Variants in CCDC102B observed in about 807,000 individuals in gnomAD.
CCDC102B encodes the protein coiled-coil domain-containing protein 102B.
CCDC102B carries 75 observed loss-of-function variants against 57.4 expected under a neutral mutation model. That is an observed-to-expected ratio of 1.31 (90% CI 1.08 to 1.58). The LOEUF (loss-of-function observed/expected upper bound fraction) is 1.58, where lower values mean the gene tolerates loss of function less well. Among genes scored for constraint, CCDC102B ranks in the 40% most tolerant of loss-of-function variants. The probability of loss-of-function intolerance (pLI) is 0.00; values close to 1 mark genes in which losing one functional copy is unlikely to be tolerated. For synonymous variants in CCDC102B, 206 were observed against 201.9 expected (o/e 1.02, Z -0.17); for missense variants, 636 against 582.6 (o/e 1.09, Z -0.94).
chr18:68,773,068 G>C (rs2034694353), intron 2 of CCDC102B, among the ~76,000 whole-genome samples: 1 of 151,856 alleles, frequency 6.6e-6, no homozygotes. Context: ...GTTAAGAAAG[G>C]ATTCAATCAA....
intron 7 of CCDC102B, among the ~76,000 whole-genome samples, chr18:69,011,792 C>G (rs1266725190): frequency 6.6e-6 from 1 of 151,894 alleles, no homozygotes; most frequent in East Asian, 1.9e-4. Flanking sequence ...TCCTGTTGGA[C>G]AACTATTCAG....
chr18:68,868,907 C>T (rs556148905), intron 4 of CCDC102B, among the ~76,000 whole-genome samples: 26 of 152,130 alleles, frequency 1.7e-4, no homozygotes, highest in African/African-American at 6.0e-4. Context: ...GTGTCCTGAG[C>T]TTGATGATGG....
intron 2 of CCDC102B, among the ~76,000 whole-genome samples, chr18:68,759,032 C>A (rs1378596885): frequency 1.4e-5 from 2 of 145,476 alleles, no homozygotes; most frequent in Admixed American, 6.8e-5. Flanking sequence ...AACAAACAAA[C>A]AAACAAAAAA....
At chr18:68,776,488 A>G (rs1164563401) in intron 2 of CCDC102B, among the ~76,000 whole-genome samples, 1 of 152,218 alleles carries the variant, frequency 6.6e-6, no homozygotes, top group East Asian at 1.9e-4. Flanking sequence ...GCAGCCACAA[A>G]AAAGAATGAG....
intron 7 of CCDC102B, among the ~76,000 whole-genome samples, chr18:69,024,506 C>G (rs1406091744): frequency 2.1e-4 from 32 of 151,968 alleles, no homozygotes; most frequent in Admixed American, 2.1e-3. Flanking sequence ...AAATATAAAC[C>G]ATACATAATT....
intron 7 of CCDC102B, among the ~76,000 whole-genome samples, chr18:69,047,281 G>A (rs1391069306): frequency 2.0e-5 from 3 of 152,032 alleles, no homozygotes; most frequent in African/African-American, 7.2e-5. Flanking sequence ...GACAGCTGAA[G>A]ACAAAAACCA....
At chr18:68,892,149 T>C (rs116207385) in intron 5 of CCDC102B, among the ~76,000 whole-genome samples, 3,319 of 152,274 alleles carry the variant, frequency 0.022, 56 homozygotes, top group South Asian at 0.032. Flanking sequence ...TATCAACTTC[T>C]TGCTTTCCTC....
Position 69,010,989 on chromosome 18 carries a change from A to G in CCDC102B, c.1319A>G (p.Asn440Ser), listed in dbSNP as rs898891371. The change falls in exon 7 of 8, where the codon AAT becomes AGT. Residue 440 changes from asparagine (N) to serine (S), a missense_variant. Coordinates refer to ENST00000360242, the MANE Select transcript of CCDC102B (RefSeq NM_024781.3). ...YYKLNRQYQA[N>S]IAELTHANNR... ...AAACTAAACAGACAATACCAGGCAA[A>G]TATTGCAGAACTGACTCATGCAAAC... 9.9e-6 allele frequency: 16 copies of G among 1,613,630 alleles called. No homozygotes were observed. The highest frequency in any genetic ancestry group is 6.7e-5 in the Admixed American group (4 of 59,992).
chr18:68,791,022 G>A (rs2035440346), intron 2 of CCDC102B, among the ~76,000 whole-genome samples: 1 of 152,180 alleles, frequency 6.6e-6, no homozygotes, highest in Admixed American at 6.5e-5. Flanking sequence ...AAACTTTCAA[G>A]AGAGTAAAAT....
chr18:68,800,386 T>C (rs544880161), intron 1 of CCDC102B, among the ~76,000 whole-genome samples: 24 of 152,186 alleles, frequency 1.6e-4, no homozygotes, highest in African/African-American at 5.5e-4. Flanking sequence ...ATTCTATAAA[T>C]CCAGACGAAT....
chr18:68,846,209 AC>A (rs2037848515), intron 3 of CCDC102B, 103 bp from the exon 4 acceptor site: 10 of 573,682 alleles, frequency 1.7e-5, no homozygotes, highest in Non-Finnish European at 2.8e-5. Flanking sequence ...ATGATCAGTT[AC>A]AAATATCAAA....
intron 6 of CCDC102B, among the ~76,000 whole-genome samples, chr18:68,989,889 C>CA (rs890328583): frequency 6.6e-6 from 1 of 152,222 alleles, no homozygotes; most frequent in African/African-American, 2.4e-5. Flanking sequence ...ATTCCTCCCA[C>CA]AGTCCCTTCC....
At chr18:68,841,876 G>A (rs898979364) in intron 3 of CCDC102B, among the ~76,000 whole-genome samples, 1 of 152,022 alleles carries the variant, frequency 6.6e-6, no homozygotes, top group East Asian at 1.9e-4. Flanking sequence ...GGAATTACAG[G>A]CTGTGCCACC....
At chr18:68,815,763 G>T (rs2036450802) in intron 1 of CCDC102B, among the ~76,000 whole-genome samples, 2 of 150,552 alleles carry the variant, frequency 1.3e-5, no homozygotes, top group Admixed American at 1.3e-4. Flanking sequence ...TCTTTTTATA[G>T]ATATAAGATG....
At chr18:69,031,282 T>G (rs2052136700) in intron 7 of CCDC102B, among the ~76,000 whole-genome samples, 1 of 152,160 alleles carries the variant, frequency 6.6e-6, no homozygotes, top group Non-Finnish European at 1.5e-5. Flanking sequence ...AATTTAAAAA[T>G]AATCATCAAA....
intron 2 of CCDC102B, among the ~76,000 whole-genome samples, chr18:68,763,071 G>A (rs537961900): frequency 5.9e-5 from 9 of 152,022 alleles, no homozygotes; most frequent in Non-Finnish European, 1.2e-4. Flanking sequence ...ATAATTTTAC[G>A]TGGGTTATAT....
chr18:68,895,864 G>A (rs1038708262), intron 5 of CCDC102B, among the ~76,000 whole-genome samples: 7 of 152,034 alleles, frequency 4.6e-5, no homozygotes, highest in Non-Finnish European at 7.4e-5. Context: ...TTACTCTGCT[G>A]TATAGATTTA....
chr18:68,854,480 T>C (rs1001904167), intron 4 of CCDC102B, among the ~76,000 whole-genome samples: 9 of 152,290 alleles, frequency 5.9e-5, no homozygotes, highest in South Asian at 2.1e-4. Context: ...AAATAAGGTA[T>C]ACATATCCTC....
At chr18:68,954,533 T>C (rs1366382664) in intron 6 of CCDC102B, among the ~76,000 whole-genome samples, 2 of 152,204 alleles carry the variant, frequency 1.3e-5, no homozygotes, top group Non-Finnish European at 2.9e-5. Context: ...GGGTTTTGTA[T>C]TCCTTTATTT....
Sources: allele counts gnomAD v4.1 joint callset (sites outside exome capture counted in the v4.1 genomes callset), GRCh38; gene constraint gnomAD v4.1.1; transcripts MANE v1.5; gene names NCBI Gene and HGNC (gene_info 2026-07-23, HGNC 2026-07-21).